NADK2: variants seen among roughly 807,000 people sequenced by gnomAD.
The protein encoded by NADK2 is NAD kinase domain-containing protein 1, mitochondrial.
In NADK2, 35 loss-of-function variants were observed where a neutral mutation model predicts 62.1. The observed-to-expected ratio is 0.56, with a 90% confidence interval of 0.43 to 0.75. The LOEUF (loss-of-function observed/expected upper bound fraction) is 0.75, where lower values mean the gene tolerates loss of function less well. Among genes scored for constraint, NADK2 ranks in the 30% least tolerant of loss-of-function variants. The pLI is 0.00. For missense variants in NADK2, 439 were observed against 561.3 expected (o/e 0.78, Z 2.20); for synonymous variants, 205 against 207.9 (o/e 0.99, Z 0.12).
At chr5:36,237,123 A>G (rs2112205805) in intron 1 of NADK2, among the ~76,000 whole-genome samples, 1 of 152,326 alleles carries the variant, frequency 6.6e-6, no homozygotes, top group Middle Eastern at 3.4e-3. Flanking sequence ...CAAATCTGTT[A>G]AAACTTTATA....
rs1470346142 is a variant in NADK2, at chr5:36,205,179, T to C, written c.956+1991A>G. Among the ~76,000 whole-genome samples the C allele has an allele frequency of 6.6e-6, 1 of 152,096 alleles. No homozygotes were observed. Among genetic ancestry groups the C allele is most frequent in the Admixed American group, 6.6e-5 (1 of 15,228 alleles). ...CCCAAATCCATAAAGTTGCTTTAACTAGCTGGGTACTAGCATATTAGATAA... is the reference window on the plus strand; with the variant it reads ...CCCAAATCCATAAAGTTGCTTTAACCAGCTGGGTACTAGCATATTAGATAA... On this transcript the variant is annotated intron_variant, in intron 8 of 11. Transcript: ENST00000381937. This position sits in a 1 kb window ranked among gnomAD's most constrained non-coding sequence, Gnocchi z 4.1.
chr5:36,232,343 G>A (rs1319260604), intron 1 of NADK2, among the ~76,000 whole-genome samples: 1 of 152,022 alleles, frequency 6.6e-6, no homozygotes, highest in East Asian at 1.9e-4. Context: ...GCTTAATAAG[G>A]GAAGGAGTTA....
chr5:36,217,673 C>T, intron 6 of NADK2, 75 bp downstream of exon 6: 2 of 1,254,232 alleles, frequency 1.6e-6, no homozygotes, highest in East Asian at 2.4e-5. Context: ...TAAATTATTA[C>T]ATCAAAAAAT....
chr5:36,241,457 C>T lies in NADK2; in HGVS notation c.300+42G>A. ...GGGGGCGCAGCCGCCACCAGAGCCC[C>T]GGCCGAGCCCGGGAGCGAAGCGGGG... On this transcript the variant is annotated intron_variant, in intron 1 of 11. Coordinates refer to ENST00000381937, the MANE Select transcript of NADK2 (RefSeq NM_001085411.3). The surrounding 1 kb of genome is among the most constrained non-coding windows in gnomAD (Gnocchi z 4.9). The T allele has an allele frequency of 6.7e-7, 1 of 1,494,690 alleles. No individual in the cohort carries two copies. Among genetic ancestry groups the T allele is most frequent in the Admixed American group, 2.1e-5 (1 of 47,236 alleles). The allele number at this position is 1,494,690 out of a possible 1,614,324, so 92.6% of individuals were successfully genotyped here.
At chr5:36,202,935 C>T (rs915967770) in intron 8 of NADK2, among the ~76,000 whole-genome samples, 1 of 152,048 alleles carries the variant, frequency 6.6e-6, no homozygotes, top group African/African-American at 2.4e-5. Context: ...TAACAAATAG[C>T]TTACCATGAG....
intron 4 of NADK2, chr5:36,221,430 A>G (rs1747264260): frequency 6.6e-6 from 1 of 152,310 alleles, no homozygotes; most frequent in Non-Finnish European, 1.5e-5. Flanking sequence ...ATACACTGTT[A>G]CTGTCATAAG....
At chr5:36,229,983 T>G (rs1030458391) in intron 1 of NADK2, among the ~76,000 whole-genome samples, 1 of 151,514 alleles carries the variant, frequency 6.6e-6, no homozygotes, top group African/African-American at 2.4e-5. Context: ...TCCAAGCACT[T>G]TTCTCTTCTT....
At chr5:36,210,292 CAA>C (rs1178843699) in intron 7 of NADK2, among the ~76,000 whole-genome samples, 1 of 152,118 alleles carries the variant, frequency 6.6e-6, no homozygotes, top group African/African-American at 2.4e-5. Flanking sequence ...CTGTGTTCCA[CAA>C]AAATGTTTTC....
chr5:36,219,622 T>C lies in NADK2; in HGVS notation c.618A>G (p.Leu206=). 1.6e-5 allele frequency: 26 copies of C among 1,614,076 alleles called. No individual in the cohort carries two copies. Among genetic ancestry groups the C allele is most frequent in the Non-Finnish European group, 2.1e-5 (25 of 1,179,946 alleles). The change falls in exon 5 of 12, where the codon TTA becomes TTG. Residue 206 remains leucine, a synonymous_variant. Transcript: ENST00000381937. The stretch of plus-strand genomic sequence containing the variant: ...TGAACTCACCACGATAGAACTTCTG[T>C]AAGGCTTCTGGAAAGGAATGTGTAT... ...VRYTHSFPEA[L]QKFYRGEFRW...
At chr5:36,232,033 G>A (rs1288986843) in intron 1 of NADK2, among the ~76,000 whole-genome samples, 1 of 152,092 alleles carries the variant, frequency 6.6e-6, no homozygotes, top group Admixed American at 6.5e-5. Context: ...ATATAAGCAA[G>A]AGTTTCTCCT....
rs1746091728 is a variant in NADK2, at chr5:36,193,360, C to T, written c.*1784G>A. ...GCATAGTGGTGCCTGCCTGTAATCC[C>T]AGCTACTTGGGAGGCTGAGGCAGGA... On this transcript the variant is annotated 3_prime_UTR_variant, in exon 12 of 12. Transcript: ENST00000381937. 6.6e-6 allele frequency: 1 copy of T among 151,334 alleles called. No homozygotes were observed. Among genetic ancestry groups the T allele is most frequent in the Admixed American group, 6.6e-5 (1 of 15,134 alleles). 9.4% of individuals were successfully genotyped at this position (151,334 alleles called of 1,614,324 possible). A position where few individuals can be genotyped will look rare whatever the true frequency, so the allele number is the denominator to read the frequency against.
At chr5:36,224,721 A>G (rs1183198395) in intron 4 of NADK2, among the ~76,000 whole-genome samples, 1 of 152,158 alleles carries the variant, frequency 6.6e-6, no homozygotes, top group Non-Finnish European at 1.5e-5. Flanking sequence ...GTAGAAGGCT[A>G]CAGTCAGAGT....
chr5:36,217,550 C>G (rs184980843), intron 6 of NADK2, among the ~76,000 whole-genome samples, 198 bp downstream of exon 6: 2 of 152,104 alleles, frequency 1.3e-5, no homozygotes, highest in Non-Finnish European at 2.9e-5. Context: ...TCAAATCTGT[C>G]CTAGAAAACA....
At position 36,241,369 on chromosome 5, in the gene NADK2, CGA is replaced by C. The variant is rs935817463; in HGVS notation, c.300+128_300+129del. 3.7e-6 allele frequency: 5 copies of C among 1,340,566 alleles called. No homozygotes were observed. Among genetic ancestry groups the C allele is most frequent in the Admixed American group, 7.5e-5 (2 of 26,686 alleles). The allele number at this position is 1,340,566 out of a possible 1,614,324, so 83.0% of individuals were successfully genotyped here. On this transcript the variant is annotated intron_variant, in intron 1 of 11. Coordinates refer to ENST00000381937, the MANE Select transcript of NADK2 (RefSeq NM_001085411.3). The surrounding 1 kb of genome is among the most constrained non-coding windows in gnomAD (Gnocchi z 4.9). ...GAGAAGCCAGAGGACCTGGGGGCCGCGAGAGAGGCAGGACCGGCATCTGCGGT... is the reference window on the plus strand; with the variant it reads ...GAGAAGCCAGAGGACCTGGGGGCCGCGAGAGGCAGGACCGGCATCTGCGGT...
Position 36,200,293 on chromosome 5 carries a change from G to C in NADK2, c.1013-13C>G. ...CCTTGTCGTTTTGCTGTTGAAAAAG[G>C]AAAGGGGGAAAATGTATGTTATAAA... On this transcript the variant is annotated splice_polypyrimidine_tract_variant and intron_variant, in intron 9 of 11. Transcript: ENST00000381937. 4 of 1,569,326 alleles carry C rather than the reference G, an allele frequency of 2.5e-6. No individual in the cohort carries two copies. The South Asian group carries it at 3.5e-5, about 14-fold the overall frequency.
intron 8 of NADK2, among the ~76,000 whole-genome samples, chr5:36,203,700 C>T (rs143789294): frequency 1.3e-5 from 2 of 152,198 alleles, no homozygotes; most frequent in African/African-American, 4.8e-5. Flanking sequence ...GCTTTAAAAG[C>T]ATTGTAGTGG....
chr5:36,223,924 A>G (rs1271837277), intron 4 of NADK2, among the ~76,000 whole-genome samples: 2 of 151,850 alleles, frequency 1.3e-5, no homozygotes, highest in Non-Finnish European at 2.9e-5. Context: ...GAAGGGAGAG[A>G]AAAAAAAGAC....
Position 36,226,455 on chromosome 5 carries a change from T to C in NADK2, c.478+20A>G, listed in dbSNP as rs1276634302. On this transcript the variant is annotated intron_variant, in intron 3 of 11. Transcript: ENST00000381937. ...AAACATTTGTATATGCCAACATCTT[T>C]ACTTCTGTCAAATTATTACCTCCTG... The C allele has an allele frequency of 6.3e-7, 1 of 1,585,782 alleles. No homozygotes were observed.
At chr5:36,239,721 T>A (rs1161634200) in intron 1 of NADK2, among the ~76,000 whole-genome samples, 1 of 152,202 alleles carries the variant, frequency 6.6e-6, no homozygotes. Context: ...GAAAACGTTA[T>A]CCACAGTTTC....
Sources: allele counts gnomAD v4.1 joint callset (sites outside exome capture counted in the v4.1 genomes callset), GRCh38; gene constraint gnomAD v4.1.1; non-coding constraint Gnocchi (gnomAD v3.1); transcripts MANE v1.5; gene names NCBI Gene and HGNC (gene_info 2026-07-23, HGNC 2026-07-21).